LAMA1: variants seen among roughly 807,000 people sequenced by gnomAD.
LAMA1 encodes the protein laminin subunit alpha-1.
Under a neutral mutation model 348.7 loss-of-function variants are expected in LAMA1, and 219 were observed. That is an observed-to-expected ratio of 0.63 (90% CI 0.56 to 0.70). The LOEUF is 0.70. LAMA1 is among the 30% of genes least tolerant of loss of function. The pLI, the probability that LAMA1 is intolerant of heterozygous loss-of-function variation, is 0.00. For synonymous variants in LAMA1, 1,487 were observed against 1,491.0 expected (o/e 1.00, Z 0.06); for missense variants, 3,744 against 3,888.0 (o/e 0.96, Z 0.99).
At chr18:7,054,182 ACATAACTAT>A (rs1459672546) in intron 3 of LAMA1, among the ~76,000 whole-genome samples, 1 of 152,172 alleles carries the variant, frequency 6.6e-6, no homozygotes, top group African/African-American at 2.4e-5. Context: ...AAGTATCTGA[ACATAACTAT>A]CATATATCAC....
chr18:7,057,535 C>T (rs562262257), intron 3 of LAMA1, among the ~76,000 whole-genome samples: 7 of 139,882 alleles, frequency 5.0e-5, no homozygotes, highest in South Asian at 4.6e-4. Flanking sequence ...AGTGCAATGG[C>T]GTGGTCACAG....
rs150154811 is a variant in LAMA1 at position 6,991,476 on chromosome 18, C to T, written c.5168+1085G>A. Among the ~76,000 whole-genome samples, 97 of 150,970 alleles carry T rather than the reference C, an allele frequency of 6.4e-4. No homozygotes were observed. The East Asian group carries it at 0.014, about 23-fold the overall frequency. ...CATGATCTCAGTTCACTGCAACCTC[C>T]GCTACCCAGGTTCAAGCAATTCTCC... On this transcript the variant is annotated intron_variant, in intron 36 of 62. Transcript: ENST00000389658.
In LAMA1 at chr18:7,011,381, C is replaced by G; in HGVS notation, c.3606G>C (p.Leu1202=). The stretch of plus-strand genomic sequence containing the variant: ...GCTGCCGGACGGTGGCGGCATCCAG[C>G]AGGAAGTCGGGGGCCTGGTAGTAAA... ...EGVYYQAPDF[L]LDAATVRQHI... The change falls in exon 25 of 63, where the codon CTG becomes CTC. Residue 1202 remains leucine, a synonymous_variant. Transcript: ENST00000389658. The G allele has an allele frequency of 1.2e-6, 2 of 1,611,292 alleles. No homozygotes were observed. Among genetic ancestry groups the G allele is most frequent in the South Asian group, 2.2e-5 (2 of 90,212 alleles).
At chr18:7,020,181 T>A (rs986864701) in intron 19 of LAMA1, among the ~76,000 whole-genome samples, 3 of 152,136 alleles carry the variant, frequency 2.0e-5, no homozygotes, top group Non-Finnish European at 2.9e-5. Flanking sequence ...CTGTGAGGTT[T>A]CTCACCACCC....
At chr18:7,065,855 A>G (rs1020151351) in intron 3 of LAMA1, among the ~76,000 whole-genome samples, 3 of 152,206 alleles carry the variant, frequency 2.0e-5, no homozygotes, top group African/African-American at 7.2e-5. Flanking sequence ...TTTAAATTTG[A>G]CCTCACAGTT....
intron 11 of LAMA1, 43 bp from the exon 12 acceptor site, chr18:7,037,794 T>C (rs373260866): frequency 1.2e-5 from 19 of 1,587,506 alleles, no homozygotes; most frequent in African/African-American, 4.0e-5. Flanking sequence ...AAATAGAACT[T>C]ACCTTAGATT....
At chr18:7,030,791 T>C in intron 16 of LAMA1, among the ~76,000 whole-genome samples, 1 of 152,066 alleles carries the variant, frequency 6.6e-6, no homozygotes, top group Non-Finnish European at 1.5e-5. Context: ...TCAGCCTAGC[T>C]ACAAAAGACA....
intron 29 of LAMA1, among the ~76,000 whole-genome samples, chr18:7,006,030 A>G (rs1351669710): frequency 6.6e-6 from 1 of 152,128 alleles, no homozygotes; most frequent in African/African-American, 2.4e-5. Context: ...TGGGCAGCTC[A>G]TTTCCCTTCA....
At chr18:6,999,756 A>G in intron 31 of LAMA1, 118 bp from the exon 32 acceptor site, 1 of 1,208,732 alleles carries the variant, frequency 8.3e-7, no homozygotes, top group Non-Finnish European at 1.2e-6. Context: ...CCTTGGGAAA[A>G]CTTGTTCTGG....
chr18:6,952,991 A>G (rs1600343801), intron 57 of LAMA1, among the ~76,000 whole-genome samples: 1 of 93,534 alleles, frequency 1.1e-5, no homozygotes, highest in African/African-American at 3.2e-5. Context: ...GATCCACGCC[A>G]TAGGAGCCAT....
At chr18:6,972,509 G>C (rs1261681493) in intron 47 of LAMA1, among the ~76,000 whole-genome samples, 1 of 152,088 alleles carries the variant, frequency 6.6e-6, no homozygotes, top group African/African-American at 2.4e-5. Flanking sequence ...TCATCACTGG[G>C]AAAGAAACCC....
At position 6,943,171 on chromosome 18, in the gene LAMA1, C is replaced by A; in HGVS notation, c.9067+9G>T. 6.2e-7 allele frequency: 1 copy of A among 1,611,788 alleles called. No homozygotes were observed. Among genetic ancestry groups the A allele is most frequent in the Non-Finnish European group, 8.5e-7 (1 of 1,177,944 alleles). On this transcript the variant is annotated intron_variant, in intron 62 of 62. Transcript: ENST00000389658. Reference sequence around the variant, plus strand: ...CCTTTTGAGTGGAAGAGCAGGTACCCGTACATACCAGGATAGCCACCAACA... The same window carrying A: ...CCTTTTGAGTGGAAGAGCAGGTACCAGTACATACCAGGATAGCCACCAACA...
chr18:7,033,884 G>A (rs1270864075), intron 14 of LAMA1, among the ~76,000 whole-genome samples: 4 of 151,986 alleles, frequency 2.6e-5, no homozygotes, highest in Admixed American at 6.6e-5. Context: ...ACAGGCATGC[G>A]CCACCATGCC....
Position 6,983,398 on chromosome 18 carries a change from CT to C in LAMA1, c.5661-165del, listed in dbSNP as rs1489753390. 3.3e-5 allele frequency among the ~76,000 whole-genome samples: 5 copies of C among 152,312 alleles called. No homozygotes were observed. In the East Asian group the frequency reaches 9.6e-4, roughly 29 times the overall value. On this transcript the variant is annotated intron_variant, in intron 39 of 62. Coordinates refer to ENST00000389658, the MANE Select transcript of LAMA1 (RefSeq NM_005559.4). ...TAACAACCTATGGGTTCCCATGTAA[CT>C]TCAAAAGTAATCTTTGAGAAGCCGT...
At chr18:7,096,698 T>C (rs1195570348) in intron 1 of LAMA1, among the ~76,000 whole-genome samples, 1 of 152,134 alleles carries the variant, frequency 6.6e-6, no homozygotes, top group Non-Finnish European at 1.5e-5. Flanking sequence ...TATGTGTATA[T>C]ATATAAAATA....
chr18:6,979,383 G>C (rs138014479), intron 42 of LAMA1, among the ~76,000 whole-genome samples: 2,705 of 152,112 alleles, frequency 0.018, 23 homozygotes, highest in Middle Eastern at 0.075. Context: ...AAGAAAAAAA[G>C]GAGGACAGGC....
chr18:7,084,972 A>G (rs2058208690), intron 1 of LAMA1, among the ~76,000 whole-genome samples: 1 of 152,198 alleles, frequency 6.6e-6, no homozygotes, highest in Non-Finnish European at 1.5e-5. Context: ...TTCAGAAGCC[A>G]AGCATTCAAA....
rs201898471 is a variant in LAMA1 at position 6,950,805 on chromosome 18, G to A, written c.8374C>T (p.Leu2792Phe). 3.8e-5 allele frequency: 61 copies of A among 1,614,086 alleles called. No individual in the cohort carries two copies. The East Asian group carries it at 1.3e-3, about 34-fold the overall frequency. Residue 2792 changes from leucine (L) to phenylalanine (F), a missense_variant, in exon 58 of 63, where the codon CTC (leucine) becomes TTC (phenylalanine). Coordinates refer to ENST00000389658, the MANE Select transcript of LAMA1 (RefSeq NM_005559.4). ...ACCGTGTGCCACTTGCCATCACTGA[G>A]CAGTGCAGGGTGAGAGACCTTTGTT... ...GRTKVSHPAL[L>F]SDGKWHTVKT...
In LAMA1 at chr18:6,941,916, T is replaced by C; in HGVS notation, c.*163A>G. The C allele has an allele frequency of 1.3e-6, 1 of 788,342 alleles. No individual in the cohort carries two copies. The highest frequency in any genetic ancestry group is 1.7e-5 in the African/African-American group (1 of 58,952). 48.8% of individuals were successfully genotyped at this position (788,342 alleles called of 1,614,324 possible). On this transcript the variant is annotated 3_prime_UTR_variant, in exon 63 of 63. Transcript: ENST00000389658. ...ATTTTAGACCATTTAATGGAGGTAT[T>C]TGTTGCACATGTGGTTTTAGTGTAA...
Sources: gnomAD v4.1 joint callset for allele counts (sites outside exome capture counted in the v4.1 genomes callset) on GRCh38, gnomAD v4.1.1 for gene constraint, MANE v1.5 for transcripts, NCBI Gene and HGNC (gene_info 2026-07-23, HGNC 2026-07-21) for gene names.